Variants in BRD4 observed in about 807,000 individuals in gnomAD.
The protein encoded by BRD4 is bromodomain containing 4.
A neutral mutation model predicts 142.1 loss-of-function variants in BRD4; 16 were observed. The observed-to-expected ratio is 0.11, with a 90% CI of 0.08 to 0.17. The LOEUF is 0.17. Among genes scored for constraint, BRD4 ranks in the 10% least tolerant of loss-of-function variants. The pLI is 1.00. For missense variants in BRD4, 1,424 were observed against 1,810.9 expected, an observed-to-expected ratio of 0.79 and a Z score of 3.88; for synonymous variants, 833 against 707.5, an observed-to-expected ratio of 1.18 and a Z score of -2.82.
At chr19:15,242,503 T>A (rs2145508904) in intron 14 of BRD4, among the ~76,000 whole-genome samples, 1 of 152,254 alleles carries the variant, frequency 6.6e-6, no homozygotes, top group Middle Eastern at 3.4e-3. Flanking sequence ...TGGCTCTCCC[T>A]GAACTTCATT....
intron 1 of BRD4, among the ~76,000 whole-genome samples, chr19:15,331,530 T>C (rs2048158533): frequency 6.6e-6 from 1 of 152,164 alleles, no homozygotes; most frequent in East Asian, 1.9e-4. Flanking sequence ...AGTGGGTGCG[T>C]CAAGCGGGCC....
At position 15,238,461 on chromosome 19, in the gene BRD4, AGGAG is replaced by A. The variant is rs1445654973; in HGVS notation, c.4021-20_4021-17del. The A allele has an allele frequency of 1.2e-6, 2 of 1,614,044 alleles. No homozygotes were observed. The highest frequency in any genetic ancestry group is 2.2e-5 in the East Asian group (1 of 44,884). On this transcript the variant is annotated splice_polypyrimidine_tract_variant and intron_variant, in intron 19 of 19. Coordinates refer to ENST00000679869, the MANE Select transcript of BRD4 (RefSeq NM_001379291.1). This position sits in a 1 kb window ranked among gnomAD's most constrained non-coding sequence, Gnocchi z 7.2. ...TAGCTGCCATCTGGAGGAGAAAGGA[AGGAG>A]GGAGTCAGGAGGATGACCTAGCCAC...
intron 7 of BRD4, chr19:15,257,405 G>C (rs2047423508): frequency 1.8e-6 from 1 of 561,192 alleles, no homozygotes; most frequent in Non-Finnish European, 3.2e-6. Flanking sequence ...AGGTGGTCCA[G>C]AGATAGCGGG....
chr19:15,266,413 G>T (rs946528514), intron 4 of BRD4, among the ~76,000 whole-genome samples: 1 of 152,188 alleles, frequency 6.6e-6, no homozygotes, highest in African/African-American at 2.4e-5. Flanking sequence ...GCAAGGGTGA[G>T]ATTCTGCTGA....
chr19:15,245,026 G>A (rs1017812124), intron 11 of BRD4: 11 of 591,574 alleles, frequency 1.9e-5, no homozygotes, highest in South Asian at 4.1e-5. Flanking sequence ...AGATCACCAC[G>A]GTTGCACCGG....
chr19:15,242,331 C>T (rs553579693), intron 14 of BRD4, among the ~76,000 whole-genome samples: 60 of 152,242 alleles, frequency 3.9e-4, no homozygotes, highest in African/African-American at 1.3e-3. Flanking sequence ...GACACTTAAG[C>T]GCCCAGGAAA....
chr19:15,288,321 C>G (rs1362772683), intron 1 of BRD4, among the ~76,000 whole-genome samples: 1 of 152,086 alleles, frequency 6.6e-6, no homozygotes, highest in South Asian at 2.1e-4. Context: ...TGGGAAGGAT[C>G]GCTTGAAGCC....
Position 15,255,555 on chromosome 19 carries a change from G to T in BRD4, c.1789C>A (p.Pro597Thr). The T allele has an allele frequency of 6.2e-7, 1 of 1,610,964 alleles. No individual in the cohort carries two copies. Among genetic ancestry groups the T allele is most frequent in the Non-Finnish European group, 8.5e-7 (1 of 1,177,312 alleles). ...EPAPMKSKPP[P>T]TYESEEEDKC... Reference sequence around the variant, plus strand: ...TCCTCTTCCTCCGACTCATACGTGGGAGGGGGCTTGCTCTTCATGGGCGCT... The same window carrying T: ...TCCTCTTCCTCCGACTCATACGTGGTAGGGGGCTTGCTCTTCATGGGCGCT... Residue 597 changes from proline (P) to threonine (T), a missense_variant, in exon 10 of 20, where the codon CCC becomes ACC. By Grantham distance (38) the Pro-to-Thr change is conservative (BLOSUM62 -1). Transcript: ENST00000679869.
Position 15,244,253 on chromosome 19 carries a change from C to G in BRD4, c.2559G>C (p.Gln853His), listed in dbSNP as rs1373033100. The change falls in exon 13 of 20, where the codon CAG becomes CAC. Residue 853 changes from glutamine to histidine, a missense_variant. Physicochemically the swap from Gln to His is conservative, Grantham distance 24. This residue lies in a region of BRD4 where 598 missense variants were observed against 647.8 expected (regional missense o/e 0.92). Coordinates refer to ENST00000679869, the MANE Select transcript of BRD4 (RefSeq NM_001379291.1). ...PEHSTPPHLNQHAVVSPPALH... is the reference protein window; with the variant it reads ...PEHSTPPHLNHHAVVSPPALH... ...CACCTGGAGGAGAGACCACTGCGTG[C>G]TGGTTGAGATGGGGTGGAGTGCTGT... 6.3e-7 allele frequency: 1 copy of G among 1,577,260 alleles called. No homozygotes were observed. Among genetic ancestry groups the G allele is most frequent in the Non-Finnish European group, 8.6e-7 (1 of 1,164,046 alleles).
Position 15,298,586 on chromosome 19 carries a change from A to C in BRD4, c.-34-25453T>G, listed in dbSNP as rs1052752523. On this transcript the variant is annotated intron_variant, in intron 1 of 19. Coordinates refer to ENST00000679869, the MANE Select transcript of BRD4 (RefSeq NM_001379291.1). ...CAGTGAGCAGAGATTGCATCACTGC[A>C]CTCCAGCCTGGGCAACAGGGCGAGA... 2.4e-5 allele frequency among the ~76,000 whole-genome samples: 3 copies of C among 125,266 alleles called. No individual in the cohort carries two copies. In the East Asian group the frequency reaches 7.8e-4, roughly 33 times the overall value. 82.2% of individuals were successfully genotyped at this position (125,266 alleles called of 152,430 possible).
intron 3 of BRD4, 64 bp from the exon 4 acceptor site, chr19:15,267,615 C>CCCT: frequency 6.5e-7 from 1 of 1,535,836 alleles, no homozygotes; most frequent in Non-Finnish European, 8.8e-7. Flanking sequence ...GTAGACAGGG[C>CCCT]ACCCCATGCC....
intron 1 of BRD4, among the ~76,000 whole-genome samples, chr19:15,274,407 G>C (rs2047623834): frequency 6.6e-6 from 1 of 152,222 alleles, no homozygotes; most frequent in Admixed American, 6.5e-5. Flanking sequence ...CACTGTGGAA[G>C]CCTGGATCCC....
chr19:15,264,723 G>C lies in BRD4; in HGVS notation c.893C>G (p.Thr298Ser), dbSNP rs1172314205. 18 of 1,611,564 alleles carry C rather than the reference G, an allele frequency of 1.1e-5. No individual in the cohort carries two copies. The highest frequency in any genetic ancestry group is 1.5e-5 in the Non-Finnish European group (18 of 1,179,174). Residue 298 changes from threonine (T) to serine (S), a missense_variant, in exon 6 of 20, where the codon ACC becomes AGC. Transcript: ENST00000679869. ...VKRKADTTTP[T>S]TIDPIHEPPS... ...TGGCTCGTGAATGGGGTCAATGGTG[G>C]TGGGGGTGGTGGTGTCTGCTTTCCT...
At chr19:15,301,854 T>G (rs576631982) in intron 1 of BRD4, among the ~76,000 whole-genome samples, 1 of 117,902 alleles carries the variant, frequency 8.5e-6, no homozygotes, top group Non-Finnish European at 1.6e-5. Flanking sequence ...AGAGCGAGAC[T>G]CCGTCTCAAA....
chr19:15,304,399 G>T (rs140540663), intron 1 of BRD4, among the ~76,000 whole-genome samples: 1 of 152,216 alleles, frequency 6.6e-6, no homozygotes, highest in African/African-American at 2.4e-5. Context: ...TGTGCCGGGG[G>T]AGTAGGAAAC....
intron 1 of BRD4, chr19:15,280,399 G>A (rs201010873): frequency 9.8e-7 from 1 of 1,016,634 alleles, no homozygotes; most frequent in Non-Finnish European, 1.2e-6. Context: ...GGTGCCATGT[G>A]GCCCATAAGC....
chr19:15,316,155 CAAAAAAAAAA>C (rs980486654), intron 1 of BRD4, among the ~76,000 whole-genome samples: 11 of 33,054 alleles, frequency 3.3e-4, no homozygotes, highest in South Asian at 1.9e-3. Context: ...GACACCGTCT[CAAAAAAAAAA>C]AAAAAAAAAA....
chr19:15,324,744 G>A (rs1022382747), intron 1 of BRD4, among the ~76,000 whole-genome samples: 4 of 152,202 alleles, frequency 2.6e-5, no homozygotes, highest in Admixed American at 6.5e-5. Flanking sequence ...TTACATTTTA[G>A]GCTTGAGGAT....
intron 7 of BRD4, among the ~76,000 whole-genome samples, chr19:15,263,144 G>A (rs2047492274): frequency 6.6e-6 from 1 of 152,244 alleles, no homozygotes; most frequent in South Asian, 2.1e-4. Flanking sequence ...TTGTAGAAGA[G>A]ACTGGGCCAT....
Sources: gnomAD v4.1 joint callset for allele counts (sites outside exome capture counted in the v4.1 genomes callset) on GRCh38, gnomAD v4.1.1 for gene constraint, gnomAD v4.1.1 regional missense constraint, Gnocchi (gnomAD v3.1) non-coding constraint, MANE v1.5 for transcripts, NCBI Gene and HGNC (gene_info 2026-07-23, HGNC 2026-07-21) for gene names.